GRK5: variants seen among roughly 807,000 people sequenced by gnomAD.
GRK5 encodes g protein-coupled receptor kinase GRK5.
A neutral mutation model predicts 78.4 loss-of-function variants in GRK5; 40 were observed. The ratio of observed to expected loss-of-function variants is 0.51; its 90% CI spans 0.40 to 0.66. GRK5 has a LOEUF of 0.66. GRK5 is among the 30% of genes least tolerant of loss of function. The pLI, the probability that GRK5 is intolerant of heterozygous loss-of-function variation, is 0.00. For missense variants in GRK5, 598 were observed against 759.9 expected, an observed-to-expected ratio of 0.79 and a Z score of 2.50; for synonymous variants, 289 against 296.8, an observed-to-expected ratio of 0.97 and a Z score of 0.27.
intron 2 of GRK5, among the ~76,000 whole-genome samples, chr10:119,350,301 G>A (rs2133797266): frequency 6.6e-6 from 1 of 152,366 alleles, no homozygotes; most frequent in South Asian, 2.1e-4. Flanking sequence ...GGGAGGGAGA[G>A]GTGGTGGGAG....
At chr10:119,390,197 G>A (rs976035865) in intron 3 of GRK5, among the ~76,000 whole-genome samples, 6 of 152,232 alleles carry the variant, frequency 3.9e-5, no homozygotes, top group Admixed American at 6.5e-5. Flanking sequence ...GGCACAGCCC[G>A]TCTGTATTAG....
intron 2 of GRK5, among the ~76,000 whole-genome samples, chr10:119,345,126 G>A (rs1209571611): frequency 2.6e-5 from 4 of 151,932 alleles, no homozygotes; most frequent in Admixed American, 1.3e-4. Context: ...CCACAACCAC[G>A]CCTGGCTACT....
chr10:119,242,898 T>G (rs1163845191), intron 1 of GRK5, among the ~76,000 whole-genome samples: 1 of 151,880 alleles, frequency 6.6e-6, no homozygotes, highest in African/African-American at 2.4e-5. Flanking sequence ...TAAACCCCCT[T>G]CCTTTATAAA....
At chr10:119,448,589 G>T (rs943287463) in intron 13 of GRK5, among the ~76,000 whole-genome samples, 9 of 152,208 alleles carry the variant, frequency 5.9e-5, no homozygotes, top group Non-Finnish European at 1.3e-4. Flanking sequence ...CACCTGCCTG[G>T]GAGATTTGAG....
chr10:119,390,993 C>G (rs1375708344), intron 3 of GRK5, among the ~76,000 whole-genome samples: 1 of 152,230 alleles, frequency 6.6e-6, no homozygotes, highest in Admixed American at 6.5e-5. Context: ...TGCAGCCCCC[C>G]TTCCCTCCTG....
At chr10:119,427,632 CTGCTATCATCAGTAT>C (rs1852723010) in intron 6 of GRK5, among the ~76,000 whole-genome samples, 1 of 135,952 alleles carries the variant, frequency 7.4e-6, no homozygotes, top group African/African-American at 3.4e-5. Context: ...ATCAGCATCA[CTGCTATCATCAGTAT>C]CACCTCCATC....
chr10:119,454,450 C>T (rs1853359622), intron 15 of GRK5, among the ~76,000 whole-genome samples: 2 of 152,198 alleles, frequency 1.3e-5, no homozygotes, highest in Non-Finnish European at 2.9e-5. Flanking sequence ...CCTCCTCCTC[C>T]CCTCTGCAAC....
chr10:119,353,939 T>TTC (rs1851223281), intron 2 of GRK5, among the ~76,000 whole-genome samples: 1 of 148,876 alleles, frequency 6.7e-6, no homozygotes, highest in Non-Finnish European at 1.5e-5. Flanking sequence ...TTTCTTTTTT[T>TTC]TTTTTTTTTT....
rs1024449137 is a variant in GRK5 at position 119,431,835 on chromosome 10, C to T, written c.738+308C>T. Among the ~76,000 whole-genome samples, 2 of 152,218 alleles carry T rather than the reference C, an allele frequency of 1.3e-5. No individual in the cohort carries two copies. Among genetic ancestry groups the T allele is most frequent in the Non-Finnish European group, 2.9e-5 (2 of 68,030 alleles). On this transcript the variant is annotated intron_variant, in intron 8 of 15. Transcript: ENST00000392870. The surrounding 1 kb of genome is among the most constrained non-coding windows in gnomAD (Gnocchi z 4.8). Reference sequence around the variant, plus strand: ...CTCCTCAGTGGACAAAGAAAGTTCACCTGGGCCCAGGCTGGGAGCTGTGGG... The same window carrying T: ...CTCCTCAGTGGACAAAGAAAGTTCATCTGGGCCCAGGCTGGGAGCTGTGGG...
At chr10:119,424,860 T>C (rs569799221) in intron 5 of GRK5, 133 bp from the exon 6 acceptor site, 1 of 677,880 alleles carries the variant, frequency 1.5e-6, no homozygotes, top group East Asian at 2.7e-5. Flanking sequence ...GCAGGACCTC[T>C]GGCCAGACGT....
chr10:119,305,354 C>T (rs1850257445), intron 1 of GRK5, among the ~76,000 whole-genome samples: 1 of 152,204 alleles, frequency 6.6e-6, no homozygotes, highest in Non-Finnish European at 1.5e-5. Flanking sequence ...GACACCTCTG[C>T]TCACTCACTT....
At position 119,275,611 on chromosome 10, in the gene GRK5, T is replaced by TCTCTCTCTCGCG. The variant is rs574879389; in HGVS notation, c.53-50904_53-50903insTCTCTCTCGCGC. Among the ~76,000 whole-genome samples the TCTCTCTCTCGCG allele has an allele frequency of 4.8e-5, 6 of 123,968 alleles. No homozygotes were observed. In the East Asian group the frequency reaches 1.1e-3, roughly 22 times the overall value. 81.3% of individuals were successfully genotyped at this position (123,968 alleles called of 152,430 possible). A position where few individuals can be genotyped will look rare whatever the true frequency, so the allele number is the denominator to read the frequency against. Reference sequence around the variant, plus strand: ...CGCTCTCTCTCTCTCTCTCTCTCTCTCGCACACACACACACACACACACAC... The same window carrying TCTCTCTCTCGCG: ...CGCTCTCTCTCTCTCTCTCTCTCTCTCTCTCTCTCGCGCGCACACACACACACACACACACAC... On this transcript the variant is annotated intron_variant, in intron 1 of 15. Transcript: ENST00000392870.
chr10:119,400,222 A>T (rs1004878006), intron 4 of GRK5, among the ~76,000 whole-genome samples: 1 of 152,212 alleles, frequency 6.6e-6, no homozygotes, highest in Admixed American at 6.5e-5. Context: ...CAAATGCCCC[A>T]CGATGGGAGC....
In GRK5 at chr10:119,271,368, T is replaced by C. The variant is rs180868765; in HGVS notation, c.53-55148T>C. Among the ~76,000 whole-genome samples, 225 of 152,378 alleles carry C rather than the reference T, an allele frequency of 1.5e-3. 1 individual carries two copies. The highest frequency in any genetic ancestry group is 2.0e-3 in the Non-Finnish European group (136 of 68,034). On this transcript the variant is annotated intron_variant, in intron 1 of 15. Coordinates refer to ENST00000392870, the MANE Select transcript of GRK5 (RefSeq NM_005308.3). This position sits in a 1 kb window ranked among gnomAD's most constrained non-coding sequence, Gnocchi z 4.1. ...GTTTCTCTTTACCAAGTTCTCTGCATAGCCTTTTGCCTTCTATTGTTTGCT... is the reference window on the plus strand; with the variant it reads ...GTTTCTCTTTACCAAGTTCTCTGCACAGCCTTTTGCCTTCTATTGTTTGCT...
rs533291243 is a variant in GRK5, at chr10:119,408,332, AC to A, written c.339+11563del. ...TCTCTATCCTGGGTGACAGAGCAAA[AC>A]CCTGTCTCAAAAAAAAAAAAAAAAA... is the stretch of plus-strand genomic sequence containing the variant. On this transcript the variant is annotated intron_variant, in intron 4 of 15. Coordinates refer to ENST00000392870, the MANE Select transcript of GRK5 (RefSeq NM_005308.3). Among the ~76,000 whole-genome samples, 257 of 79,806 alleles carry A rather than the reference AC, an allele frequency of 3.2e-3. 1 individual carries two copies. The highest frequency in any genetic ancestry group is 0.012 in the African/African-American group (246 of 20,748). 52.4% of individuals were successfully genotyped at this position (79,806 alleles called of 152,430 possible). A position where few individuals can be genotyped will look rare whatever the true frequency, so the allele number is the denominator to read the frequency against.
At chr10:119,313,203 ATGGTAGTGGTGGTGG>A (rs1850419773) in intron 1 of GRK5, among the ~76,000 whole-genome samples, 2 of 119,144 alleles carry the variant, frequency 1.7e-5, no homozygotes, top group African/African-American at 6.7e-5. Context: ...GGTGGTGGTA[ATGGTAGTGGTGGTGG>A]TGACGGTAGT....
chr10:119,246,832 C>T (rs981731503), intron 1 of GRK5, among the ~76,000 whole-genome samples: 5 of 152,200 alleles, frequency 3.3e-5, no homozygotes, highest in African/African-American at 4.8e-5. Context: ...CAACAGAAGG[C>T]CCTCACAGCT....
chr10:119,356,846 A>G (rs746196640), intron 2 of GRK5, among the ~76,000 whole-genome samples: 3 of 152,218 alleles, frequency 2.0e-5, no homozygotes, highest in Non-Finnish European at 2.9e-5. Flanking sequence ...TTGTATTCTC[A>G]TATAGGAACC....
intron 3 of GRK5, among the ~76,000 whole-genome samples, chr10:119,395,567 T>A (rs1237953825): frequency 6.6e-6 from 1 of 152,198 alleles, no homozygotes; most frequent in African/African-American, 2.4e-5. Context: ...TTGAAATGGT[T>A]ATAAACAATT....
Sources: gnomAD v4.1 joint callset for allele counts (sites outside exome capture counted in the v4.1 genomes callset) on GRCh38, gnomAD v4.1.1 for gene constraint, Gnocchi (gnomAD v3.1) non-coding constraint, MANE v1.5 for transcripts, NCBI Gene and HGNC (gene_info 2026-07-23, HGNC 2026-07-21) for gene names.